Variants in RYR2 observed in about 807,000 individuals in gnomAD.
RYR2 encodes ryanodine receptor 2, also known as cardiac muscle ryanodine receptor-calcium release channel.
In RYR2, 227 loss-of-function variants were observed where a neutral mutation model predicts 601.1. The observed-to-expected ratio is 0.38, with a 90% CI of 0.34 to 0.42. RYR2 has a LOEUF of 0.42. Among genes scored for constraint, RYR2 ranks in the 10% least tolerant of loss-of-function variants. The pLI is 1.00. For missense variants in RYR2, 4,646 were observed against 6,156.5 expected, an observed-to-expected ratio of 0.75 and a Z score of 8.21; for synonymous variants, 2,223 against 2,175.1, an observed-to-expected ratio of 1.02 and a Z score of -0.61.
intron 1 of RYR2, among the ~76,000 whole-genome samples, chr1:237,224,200 T>G (rs1316975147): frequency 6.6e-6 from 1 of 151,980 alleles, no homozygotes; most frequent in Non-Finnish European, 1.5e-5. Flanking sequence ...TTATGACAAT[T>G]TGAAAAAAAA....
Position 237,787,975 on chromosome 1 carries a change from T to G in RYR2, c.13329-13T>G. On this transcript the variant is annotated splice_polypyrimidine_tract_variant and intron_variant, in intron 91 of 104. Coordinates refer to ENST00000366574, the MANE Select transcript of RYR2 (RefSeq NM_001035.3). ...TTCTGGAGAGCTTATGTTTTGTTTG[T>G]TTGTTTTCATAGGGGAGAAGATGGA... The G allele has an allele frequency of 6.3e-7, 1 of 1,576,584 alleles. No individual in the cohort carries two copies.
intron 5 of RYR2, 48 bp from the exon 6 acceptor site, chr1:237,369,486 C>T: frequency 4.8e-6 from 7 of 1,470,164 alleles, no homozygotes; most frequent in Non-Finnish European, 5.6e-6. Context: ...TTAAGTTACT[C>T]TTTTGTGTTT....
At chr1:237,673,872 A>G (rs928511424) in intron 58 of RYR2, among the ~76,000 whole-genome samples, 30 of 152,188 alleles carry the variant, frequency 2.0e-4, no homozygotes, top group African/African-American at 6.0e-4. Context: ...ATGCATGTTC[A>G]TGTTTTAACT....
intron 62 of RYR2, among the ~76,000 whole-genome samples, chr1:237,683,125 T>A (rs966884693): frequency 6.6e-6 from 1 of 152,142 alleles, no homozygotes; most frequent in Non-Finnish European, 1.5e-5. Context: ...GGGTATAAAC[T>A]CAATAGATAG....
intron 73 of RYR2, 36 bp downstream of exon 73, chr1:237,718,557 C>T (rs766867298): frequency 6.3e-5 from 70 of 1,102,982 alleles, no homozygotes; most frequent in Non-Finnish European, 5.4e-5. Context: ...ACATTTACTA[C>T]CTATACATTA....
At chr1:237,682,409 T>C (rs1685967552) in intron 62 of RYR2, among the ~76,000 whole-genome samples, 1 of 152,194 alleles carries the variant, frequency 6.6e-6, no homozygotes, top group South Asian at 2.1e-4. Flanking sequence ...ATTATAGTCA[T>C]GCACCACATA....
chr1:237,235,259 G>T (rs1685445213), intron 1 of RYR2, among the ~76,000 whole-genome samples: 1 of 152,202 alleles, frequency 6.6e-6, no homozygotes, highest in Non-Finnish European at 1.5e-5. Flanking sequence ...CTTGAGGTCG[G>T]ATCTAGCCTT....
At chr1:237,322,924 A>G (rs979679594) in intron 2 of RYR2, among the ~76,000 whole-genome samples, 2 of 151,578 alleles carry the variant, frequency 1.3e-5, no homozygotes, top group Non-Finnish European at 2.9e-5. Flanking sequence ...ATTCGTGGCT[A>G]GAGGAACTGC....
At chr1:237,529,780 C>G (rs1667944397) in intron 24 of RYR2, among the ~76,000 whole-genome samples, 1 of 151,444 alleles carries the variant, frequency 6.6e-6, no homozygotes. Context: ...CACACACACA[C>G]ACACACACAC....
chr1:237,101,608 G>T (rs111749972), intron 1 of RYR2, among the ~76,000 whole-genome samples: 1 of 152,068 alleles, frequency 6.6e-6, no homozygotes, highest in Non-Finnish European at 1.5e-5. Context: ...AAGTACACAC[G>T]CACATAAGAA....
At chr1:237,054,775 A>T (rs973898987) in intron 1 of RYR2, among the ~76,000 whole-genome samples, 4 of 152,192 alleles carry the variant, frequency 2.6e-5, no homozygotes, top group African/African-American at 9.7e-5. Context: ...CAACACCACT[A>T]CTATGCCTCC....
intron 28 of RYR2, among the ~76,000 whole-genome samples, 159 bp downstream of exon 28, chr1:237,566,934 TC>T (rs1559039254): frequency 6.6e-6 from 1 of 152,196 alleles, no homozygotes; most frequent in African/African-American, 2.4e-5. Flanking sequence ...TCAAAACCCT[TC>T]CCTACAACCC....
intron 102 of RYR2, 99 bp from the exon 103 acceptor site, chr1:237,830,431 T>G: frequency 1.3e-6 from 1 of 766,234 alleles, no homozygotes; most frequent in South Asian, 1.4e-5. Context: ...TGACGTGTAT[T>G]GAGTGAACCA....
chr1:237,236,185 G>A (rs1012172718), intron 1 of RYR2, among the ~76,000 whole-genome samples: 27 of 152,284 alleles, frequency 1.8e-4, no homozygotes, highest in African/African-American at 6.3e-4. Flanking sequence ...AGTAGGAAAG[G>A]AAAGGGTGCA....
At chr1:237,186,980 G>A (rs611878) in intron 1 of RYR2, among the ~76,000 whole-genome samples, 145,010 of 152,244 alleles carry the variant, frequency 0.95, 69,328 homozygotes, top group Non-Finnish European at 1. Context: ...GCCTGAGAGC[G>A]GCTCTGGGAC....
chr1:237,627,468 A>G (rs190462618), intron 40 of RYR2, among the ~76,000 whole-genome samples: 50 of 152,338 alleles, frequency 3.3e-4, no homozygotes, highest in African/African-American at 1.2e-3. Flanking sequence ...CAAAACAAAT[A>G]AAAGTAGTAG....
intron 2 of RYR2, among the ~76,000 whole-genome samples, chr1:237,292,953 C>CA (rs1236177612): frequency 1.3e-5 from 2 of 151,682 alleles, no homozygotes; most frequent in Non-Finnish European, 2.9e-5. Flanking sequence ...AACTTATGCT[C>CA]AAAGTCAGGG....
intron 10 of RYR2, among the ~76,000 whole-genome samples, chr1:237,396,254 A>T (rs1393531626): frequency 6.6e-6 from 1 of 152,188 alleles, no homozygotes; most frequent in Non-Finnish European, 1.5e-5. Flanking sequence ...CATTTTGAGG[A>T]CTATGAATGA....
intron 3 of RYR2, among the ~76,000 whole-genome samples, chr1:237,345,958 A>T (rs1325500313): frequency 6.6e-6 from 1 of 152,120 alleles, no homozygotes; most frequent in East Asian, 1.9e-4. Context: ...GACTTACTGT[A>T]TTATTTACTT....
Sources: allele counts gnomAD v4.1 joint callset (sites outside exome capture counted in the v4.1 genomes callset), GRCh38; gene constraint gnomAD v4.1.1; transcripts MANE v1.5; gene names NCBI Gene and HGNC (gene_info 2026-07-23, HGNC 2026-07-21).